Variants in CCDC88C observed in about 807,000 individuals in gnomAD.
CCDC88C encodes the protein coiled-coil and HOOK domain protein 88C.
In CCDC88C, 131 loss-of-function variants were observed where a neutral mutation model predicts 198.8. That is an observed-to-expected ratio of 0.66 (90% confidence interval 0.57 to 0.76). CCDC88C has a LOEUF of 0.76. Ranked by LOEUF, CCDC88C falls within the 30% of genes least tolerant of loss-of-function variation. The probability of loss-of-function intolerance (pLI) is 0.00; values close to 1 mark genes in which losing one functional copy is unlikely to be tolerated. For synonymous variants in CCDC88C, 1,166 were observed against 1,114.7 expected (o/e 1.05, Z -0.92); for missense variants, 2,553 against 2,631.6 (o/e 0.97, Z 0.65).
intron 14 of CCDC88C, 129 bp downstream of exon 14, chr14:91,315,521 A>T: frequency 2.9e-6 from 3 of 1,047,362 alleles, no homozygotes; most frequent in Non-Finnish European, 4.1e-6. Flanking sequence ...TTGCTGATTT[A>T]AGCTGTGGCT....
chr14:91,370,761 G>A (rs907516508), intron 3 of CCDC88C, among the ~76,000 whole-genome samples: 5 of 152,156 alleles, frequency 3.3e-5, no homozygotes, highest in Admixed American at 6.5e-5. Context: ...GGACACATCC[G>A]TGCATACAGA....
At chr14:91,396,964 C>T (rs1378500327) in intron 3 of CCDC88C, among the ~76,000 whole-genome samples, 1 of 151,892 alleles carries the variant, frequency 6.6e-6, no homozygotes, top group African/African-American at 2.4e-5. Flanking sequence ...CGTGATCGCA[C>T]CACTGCACTC....
At chr14:91,342,762 C>T (rs903248970) in intron 5 of CCDC88C, among the ~76,000 whole-genome samples, 2 of 152,146 alleles carry the variant, frequency 1.3e-5, no homozygotes, top group Non-Finnish European at 2.9e-5. Context: ...CAAGCTCTCC[C>T]GGTGATTCTT....
intron 3 of CCDC88C, among the ~76,000 whole-genome samples, chr14:91,388,796 G>A (rs1885306236): frequency 6.6e-6 from 1 of 152,150 alleles, no homozygotes; most frequent in African/African-American, 2.4e-5. Context: ...TCTCCCTTTG[G>A]GGCTGGTGGA....
chr14:91,293,425 CCCACCTTCCCGTCCTCACCTGCCACGGT>C lies in CCDC88C; in HGVS notation c.4112+720_4112+747del, dbSNP rs1567055274. ...CTTCCTGCCCCCTCACCTGCCACGGCCCACCTTCCCGTCCTCACCTGCCACGGTCCACCTTCCCATCCTCACCTGCCAC... is the reference window on the plus strand; with the variant it reads ...CTTCCTGCCCCCTCACCTGCCACGGCCCACCTTCCCATCCTCACCTGCCAC... On this transcript the variant is annotated intron_variant, in intron 23 of 29. Coordinates refer to ENST00000389857, the MANE Select transcript of CCDC88C (RefSeq NM_001080414.4). Among the ~76,000 whole-genome samples, 57 of 146,430 alleles carry C rather than the reference CCCACCTTCCCGTCCTCACCTGCCACGGT, an allele frequency of 3.9e-4. 1 individual carries two copies. The highest frequency in any genetic ancestry group is 3.8e-3 in the Middle Eastern group (1 of 260).
intron 12 of CCDC88C, among the ~76,000 whole-genome samples, chr14:91,322,162 G>A (rs1179841311): frequency 1.3e-5 from 2 of 152,122 alleles, no homozygotes; most frequent in African/African-American, 2.4e-5. Flanking sequence ...ATCTCTTGGG[G>A]CCTTTCCACA....
chr14:91,324,135 C>T (rs887320494), intron 12 of CCDC88C, among the ~76,000 whole-genome samples: 3 of 152,238 alleles, frequency 2.0e-5, no homozygotes, highest in Non-Finnish European at 4.4e-5. Context: ...CATTGTTTGC[C>T]GGGGCTGAGG....
intron 3 of CCDC88C, among the ~76,000 whole-genome samples, chr14:91,396,886 G>A (rs573387591): frequency 6.6e-5 from 10 of 152,238 alleles, no homozygotes; most frequent in Admixed American, 2.6e-4. Context: ...GGTAGTCCCA[G>A]CTACTCGGGG....
At chr14:91,285,764 G>C in intron 25 of CCDC88C, 1 of 1,289,092 alleles carries the variant, frequency 7.8e-7, no homozygotes, top group South Asian at 1.2e-5. Flanking sequence ...AGAGAGAGCT[G>C]GGTGGGTCGT....
chr14:91,315,584 G>A, intron 14 of CCDC88C, 66 bp downstream of exon 14: 6 of 1,574,700 alleles, frequency 3.8e-6, no homozygotes, highest in East Asian at 2.2e-5. Context: ...AGGAATGGCT[G>A]TAATCCCGGC....
chr14:91,324,746 C>T (rs1892511245), intron 12 of CCDC88C, 33 bp downstream of exon 12: 1 of 1,604,600 alleles, frequency 6.2e-7, no homozygotes, highest in Non-Finnish European at 8.5e-7. Context: ...CGGCCACGGC[C>T]AGGCTGGCTC....
chr14:91,412,018 A>G (rs1319121707), intron 2 of CCDC88C, among the ~76,000 whole-genome samples: 1 of 152,130 alleles, frequency 6.6e-6, no homozygotes, highest in East Asian at 1.9e-4. Context: ...AATTTTAAAA[A>G]GAGTTATAAT....
Position 91,371,189 on chromosome 14 carries a change from CTGATT to C in CCDC88C, c.271-11483_271-11479del. On this transcript the variant is annotated intron_variant, in intron 3 of 29. Transcript: ENST00000389857. This position sits in a 1 kb window ranked among gnomAD's most constrained non-coding sequence, Gnocchi z 4.2. ...AGTGCTTGGAGTTGATATAAGGGCC[CTGATT>C]TTATGGCCGTGAGGGATCGTATGAC... 6.6e-6 allele frequency among the ~76,000 whole-genome samples: 1 copy of C among 152,218 alleles called. No homozygotes were observed. The highest frequency in any genetic ancestry group is 1.9e-4 in the East Asian group (1 of 5,186).
At chr14:91,340,523 C>A (rs765447813) in intron 6 of CCDC88C, among the ~76,000 whole-genome samples, 1 of 152,164 alleles carries the variant, frequency 6.6e-6, no homozygotes, top group Non-Finnish European at 1.5e-5. Context: ...CTCATTCCCA[C>A]GGGCCACAGA....
At chr14:91,322,264 T>C (rs1892388024) in intron 12 of CCDC88C, among the ~76,000 whole-genome samples, 1 of 152,134 alleles carries the variant, frequency 6.6e-6, no homozygotes, top group African/African-American at 2.4e-5. Flanking sequence ...AACACATAAA[T>C]CTGGAAATGT....
At position 91,297,329 on chromosome 14, in the gene CCDC88C, C is replaced by A; in HGVS notation, c.3942G>T (p.Leu1314=). ...CCTCACAGTGGTTGTCCAGCTTGGT[C>A]AGCGAGATGTCCATGGTCTGGTGCT... ...KEQHQTMDIS[L]TKLDNHCELL... is the part of the protein sequence containing the mutation. Residue 1314 remains leucine, a synonymous_variant, in exon 22 of 30, where the codon CTG becomes CTT. Coordinates refer to ENST00000389857, the MANE Select transcript of CCDC88C (RefSeq NM_001080414.4). The A allele has an allele frequency of 6.2e-7, 1 of 1,613,542 alleles. No homozygotes were observed. The highest frequency in any genetic ancestry group is 1.1e-5 in the South Asian group (1 of 90,912).
At chr14:91,328,928 A>C (rs1402750529) in intron 10 of CCDC88C, among the ~76,000 whole-genome samples, 2 of 152,194 alleles carry the variant, frequency 1.3e-5, no homozygotes, top group African/African-American at 4.8e-5. Flanking sequence ...GGGGTGCGGA[A>C]TCAAACAAAC....
intron 29 of CCDC88C, among the ~76,000 whole-genome samples, chr14:91,276,080 G>A (rs61988370): frequency 0.015 from 2,277 of 151,876 alleles, 40 homozygotes; most frequent in Middle Eastern, 0.024. Flanking sequence ...TCGGCCTCCC[G>A]AAGTGCTGGG....
chr14:91,303,326 C>T (rs1891397218), intron 20 of CCDC88C, among the ~76,000 whole-genome samples: 1 of 146,642 alleles, frequency 6.8e-6, no homozygotes, highest in Non-Finnish European at 1.6e-5. Context: ...CAGGCTCCAC[C>T]TCTCCTCCAG....
Sources: gnomAD v4.1 joint callset for allele counts (sites outside exome capture counted in the v4.1 genomes callset) on GRCh38, gnomAD v4.1.1 for gene constraint, Gnocchi (gnomAD v3.1) non-coding constraint, MANE v1.5 for transcripts, NCBI Gene and HGNC (gene_info 2026-07-23, HGNC 2026-07-21) for gene names.